Variants in MGMT observed in about 807,000 individuals in gnomAD.
The protein encoded by MGMT is O-6-methylguanine-DNA methyltransferase.
In MGMT, 14 loss-of-function variants were observed where a neutral mutation model predicts 15.9. That is an observed-to-expected ratio of 0.88 (90% CI 0.58 to 1.37). The LOEUF (loss-of-function observed/expected upper bound fraction) is 1.37. Ranked by LOEUF, MGMT falls within the 40% of genes most tolerant of loss-of-function variation. The pLI is 0.00. For missense variants in MGMT, 282 were observed against 268.1 expected (o/e 1.05, Z -0.36); for synonymous variants, 130 against 118.2 (o/e 1.10, Z -0.65).
intron 2 of MGMT, among the ~76,000 whole-genome samples, chr10:129,591,110 G>A (rs750940773): frequency 3.3e-5 from 5 of 152,174 alleles, no homozygotes; most frequent in Non-Finnish European, 7.4e-5. Context: ...TCCTGGGGGC[G>A]CAGCGTGGTC....
rs1372494106 is a variant in MGMT, at chr10:129,566,346, C to T, written c.125+29969C>T. ...CTACGTTGCCAAGGAGATGCTCGCTCGGAGTGGTTGCTCTGGCTCTGGGAT... is the reference window on the plus strand; with the variant it reads ...CTACGTTGCCAAGGAGATGCTCGCTTGGAGTGGTTGCTCTGGCTCTGGGAT... On this transcript the variant is annotated intron_variant, in intron 2 of 4. Coordinates refer to ENST00000651593, the MANE Select transcript of MGMT (RefSeq NM_002412.5). This position sits in a 1 kb window ranked among gnomAD's most constrained non-coding sequence, Gnocchi z 4.1. 1.3e-5 allele frequency among the ~76,000 whole-genome samples: 2 copies of T among 152,178 alleles called. No individual in the cohort carries two copies. Among genetic ancestry groups the T allele is most frequent in the Admixed American group, 6.5e-5 (1 of 15,286 alleles).
intron 2 of MGMT, among the ~76,000 whole-genome samples, chr10:129,620,567 A>G (rs1847080159): frequency 6.6e-6 from 1 of 152,218 alleles, no homozygotes; most frequent in Non-Finnish European, 1.5e-5. Flanking sequence ...CTGGCTCCTT[A>G]ACAGTATGAA....
intron 2 of MGMT, among the ~76,000 whole-genome samples, chr10:129,639,947 C>CAAA (rs35965727): frequency 7.7e-5 from 9 of 116,272 alleles, no homozygotes; most frequent in African/African-American, 9.6e-5. Context: ...CTAGACTGAC[C>CAAA]AAAAAAAAAA....
At chr10:129,734,278 C>T (rs1589965618) in intron 3 of MGMT, among the ~76,000 whole-genome samples, 3 of 138,776 alleles carry the variant, frequency 2.2e-5, no homozygotes, top group East Asian at 4.9e-4. Context: ...TCCTTCACAT[C>T]CCTTGTAAGT....
At chr10:129,700,235 T>C (rs907364910) in intron 2 of MGMT, 3 of 152,204 alleles carry the variant, frequency 2.0e-5, no homozygotes, top group African/African-American at 7.2e-5. Context: ...GTTTGTTTTT[T>C]ATCTTTGCCA....
chr10:129,645,967 G>A (rs924732771), intron 2 of MGMT, among the ~76,000 whole-genome samples: 1 of 152,174 alleles, frequency 6.6e-6, no homozygotes, highest in African/African-American at 2.4e-5. Flanking sequence ...TCCTAGAGGT[G>A]TGGCTTGTTT....
chr10:129,624,926 A>G (rs1363892787), intron 2 of MGMT, among the ~76,000 whole-genome samples: 1 of 152,262 alleles, frequency 6.6e-6, no homozygotes, highest in African/African-American at 2.4e-5. Context: ...AAATAAGATC[A>G]GATATCAGCA....
intron 2 of MGMT, among the ~76,000 whole-genome samples, chr10:129,564,847 C>T (rs1846335436): frequency 6.6e-6 from 1 of 151,904 alleles, no homozygotes; most frequent in Non-Finnish European, 1.5e-5. Context: ...GCCCTCAGGC[C>T]AGTTCCCGGG....
intron 1 of MGMT, among the ~76,000 whole-genome samples, chr10:129,467,791 C>T (rs1034224748): frequency 3.3e-5 from 5 of 152,212 alleles, no homozygotes. Flanking sequence ...GTACATCATA[C>T]CCTAACTGTA....
intron 2 of MGMT, among the ~76,000 whole-genome samples, chr10:129,670,154 A>G (rs1366820639): frequency 2.7e-5 from 4 of 147,820 alleles, no homozygotes; most frequent in African/African-American, 9.7e-5. Flanking sequence ...CACTCTTTAA[A>G]TAATGTGCAA....
At chr10:129,752,170 G>A (rs1258516479) in intron 3 of MGMT, among the ~76,000 whole-genome samples, 1 of 151,922 alleles carries the variant, frequency 6.6e-6, no homozygotes, top group African/African-American at 2.4e-5. Flanking sequence ...TTTGAAATCT[G>A]TTGTAAGACA....
At chr10:129,501,734 T>C (rs1845576510) in intron 1 of MGMT, among the ~76,000 whole-genome samples, 1 of 152,214 alleles carries the variant, frequency 6.6e-6, no homozygotes, top group African/African-American at 2.4e-5. Context: ...ACTCTAAACA[T>C]GTTTCTTGTC....
intron 2 of MGMT, among the ~76,000 whole-genome samples, chr10:129,646,896 A>T (rs113400580): frequency 0.048 from 7,287 of 150,874 alleles, 212 homozygotes; most frequent in Middle Eastern, 0.086. Context: ...GGCAGGCTGT[A>T]TGGTGAGTGT....
At chr10:129,750,497 A>G (rs1406266860) in intron 3 of MGMT, among the ~76,000 whole-genome samples, 1 of 152,122 alleles carries the variant, frequency 6.6e-6, no homozygotes, top group Non-Finnish European at 1.5e-5. Flanking sequence ...GTTCAACAAC[A>G]AGGAAAGAAT....
At chr10:129,646,252 G>A (rs989795984) in intron 2 of MGMT, among the ~76,000 whole-genome samples, 2 of 152,104 alleles carry the variant, frequency 1.3e-5, no homozygotes, top group Non-Finnish European at 2.9e-5. Context: ...GATCGCCTGG[G>A]GAAGTTGGAA....
chr10:129,553,807 G>A lies in MGMT; in HGVS notation c.125+17430G>A, dbSNP rs916832400. ...GTCTTGTTGCCTGCCTGCCCCAAAC[G>A]TGGCCTCCATTCCTTCTTTCTGTCT... On this transcript the variant is annotated intron_variant, in intron 2 of 4. Transcript: ENST00000651593. 3.9e-5 allele frequency among the ~76,000 whole-genome samples: 6 copies of A among 152,154 alleles called. No individual in the cohort carries two copies. In the East Asian group the frequency reaches 9.7e-4, roughly 24 times the overall value.
At chr10:129,518,373 C>CACACACACA (rs1260129134) in intron 1 of MGMT, among the ~76,000 whole-genome samples, 6 of 149,784 alleles carry the variant, frequency 4.0e-5, no homozygotes, top group African/African-American at 1.5e-4. Flanking sequence ...CACACACACA[C>CACACACACA]ATTTGGCCCT....
chr10:129,527,581 CTCTTT>C (rs998379479), intron 1 of MGMT, among the ~76,000 whole-genome samples: 1 of 151,502 alleles, frequency 6.6e-6, no homozygotes, highest in African/African-American at 2.4e-5. Flanking sequence ...AGGTGGTCGG[CTCTTT>C]TCTTTTCTCC....
chr10:129,709,410 A>G (rs1848205441), intron 3 of MGMT, among the ~76,000 whole-genome samples: 1 of 152,182 alleles, frequency 6.6e-6, no homozygotes, highest in Admixed American at 6.5e-5. Context: ...GGCCCAAGGA[A>G]GTCAGAGATT....
Sources: gnomAD v4.1 joint callset for allele counts (sites outside exome capture counted in the v4.1 genomes callset) on GRCh38, gnomAD v4.1.1 for gene constraint, Gnocchi (gnomAD v3.1) non-coding constraint, MANE v1.5 for transcripts, NCBI Gene and HGNC (gene_info 2026-07-23, HGNC 2026-07-21) for gene names.